Variants in CCDC62 observed in about 807,000 individuals in gnomAD.
The protein encoded by CCDC62 is coiled-coil domain containing 62, also known as coiled-coil domain-containing protein 62.
CCDC62 carries 72 observed loss-of-function variants against 80.8 expected under a neutral mutation model. That is an observed-to-expected ratio of 0.89 (90% CI 0.74 to 1.08). The LOEUF is 1.08. Among genes scored for constraint, CCDC62 ranks in the 50% least tolerant of loss-of-function variants. CCDC62 has a pLI of 0.00. For synonymous variants in CCDC62, 286 were observed against 296.5 expected (o/e 0.96, Z 0.36); for missense variants, 704 against 809.4 (o/e 0.87, Z 1.58).
chr12:122,783,288 T>C (rs1392528435), intron 3 of CCDC62, among the ~76,000 whole-genome samples: 2 of 149,638 alleles, frequency 1.3e-5, no homozygotes, highest in African/African-American at 2.4e-5. Flanking sequence ...AGTGCAGTGG[T>C]GCCACCTCGG....
At chr12:122,795,645 T>G (rs183570077) in intron 6 of CCDC62, among the ~76,000 whole-genome samples, 2 of 152,036 alleles carry the variant, frequency 1.3e-5, no homozygotes, top group East Asian at 1.9e-4. Context: ...AGGATGGTCT[T>G]GATTTCCTGA....
chr12:122,821,304 A>T (rs1438539387), intron 11 of CCDC62, among the ~76,000 whole-genome samples: 1 of 152,186 alleles, frequency 6.6e-6, no homozygotes, highest in Admixed American at 6.6e-5. Flanking sequence ...TGTAACACAC[A>T]TGGTGAAGCA....
chr12:122,812,777 GAGAAAGAAAGAAAGAA>G (rs71440217), intron 10 of CCDC62, among the ~76,000 whole-genome samples: 20 of 57,770 alleles, frequency 3.5e-4, no homozygotes, highest in South Asian at 1.2e-3. Context: ...GAGAGAGAGA[GAGAAAGAAAGAAAGAA>G]AGAAAGAAAG....
At chr12:122,805,885 C>T (rs1280174691) in intron 9 of CCDC62, among the ~76,000 whole-genome samples, 1 of 152,042 alleles carries the variant, frequency 6.6e-6, no homozygotes, top group Non-Finnish European at 1.5e-5. Flanking sequence ...GATCTCCTGA[C>T]CTCGTGATCC....
intron 11 of CCDC62, among the ~76,000 whole-genome samples, chr12:122,816,478 C>T (rs1237938604): frequency 1.3e-5 from 2 of 152,180 alleles, no homozygotes; most frequent in African/African-American, 2.4e-5. Context: ...GTAATCCCAG[C>T]ACTTTGGGAG....
chr12:122,787,687 G>C (rs2030343273), intron 4 of CCDC62, among the ~76,000 whole-genome samples: 1 of 151,798 alleles, frequency 6.6e-6, no homozygotes, highest in Admixed American at 6.6e-5. Flanking sequence ...GGAGGCAGAG[G>C]TTGTGGTAAG....
chr12:122,782,460 A>G (rs1341408309), intron 3 of CCDC62, among the ~76,000 whole-genome samples: 1 of 152,058 alleles, frequency 6.6e-6, no homozygotes, highest in Non-Finnish European at 1.5e-5. Flanking sequence ...TTTCTAAATT[A>G]TTGTGTGTTT....
At position 122,784,877 on chromosome 12, in the gene CCDC62, G is replaced by T. The variant is rs1013644597; in HGVS notation, c.397-842G>T. Among the ~76,000 whole-genome samples, 5 of 151,558 alleles carry T rather than the reference G, an allele frequency of 3.3e-5. No individual in the cohort carries two copies. The South Asian group carries it at 6.3e-4, about 19-fold the overall frequency. Reference sequence around the variant, plus strand: ...AACAAAAGGCCAGGTGCAGTGGCTCGCCTGTAATCCCAGCACTTTGGGAGG... The same window carrying T: ...AACAAAAGGCCAGGTGCAGTGGCTCTCCTGTAATCCCAGCACTTTGGGAGG... On this transcript the variant is annotated intron_variant, in intron 3 of 12. Coordinates refer to ENST00000253079, the MANE Select transcript of CCDC62 (RefSeq NM_201435.5).
At chr12:122,817,699 T>G (rs530430045) in intron 11 of CCDC62, among the ~76,000 whole-genome samples, 3 of 152,332 alleles carry the variant, frequency 2.0e-5, no homozygotes, top group African/African-American at 7.2e-5. Flanking sequence ...GGTTGTTCTC[T>G]CAACCTCTTT....
rs372877789 is a variant in CCDC62 at position 122,781,206 on chromosome 12, A to G, written c.272A>G (p.Lys91Arg). Reference protein sequence around the residue: ...KRTEIIRSLTKKVKALESNQM... With the variant: ...KRTEIIRSLTRKVKALESNQM... ...ACTGAAATAATCAGGTCACTCACGA[A>G]GAAGGTAAAAGCTCTTGAATCCAAT... Residue 91 changes from lysine to arginine, a missense_variant, in exon 3 of 13, where the codon AAG (lysine) becomes AGG (arginine). Transcript: ENST00000253079. 5.0e-6 allele frequency: 8 copies of G among 1,613,938 alleles called. No individual in the cohort carries two copies. Among genetic ancestry groups the G allele is most frequent in the East Asian group, 2.2e-5 (1 of 44,902 alleles).
At chr12:122,804,048 C>A (rs75910729) in intron 9 of CCDC62, among the ~76,000 whole-genome samples, 2,065 of 152,294 alleles carry the variant, frequency 0.014, 50 homozygotes, top group African/African-American at 0.046. Context: ...ATGTTTTTCT[C>A]TTTTTCCATA....
At chr12:122,809,077 A>C (rs2031749686) in intron 10 of CCDC62, among the ~76,000 whole-genome samples, 1 of 152,240 alleles carries the variant, frequency 6.6e-6, no homozygotes, top group Non-Finnish European at 1.5e-5. Flanking sequence ...CTGATAGAGA[A>C]GTTCTAGCCA....
intron 9 of CCDC62, among the ~76,000 whole-genome samples, chr12:122,803,981 C>CTAATTTTTATA: frequency 6.6e-6 from 1 of 152,192 alleles, no homozygotes; most frequent in East Asian, 1.9e-4. Flanking sequence ...GTTCTGCCAG[C>CTAATTTTTATA]AGAGACGGAT....
chr12:122,814,210 G>A (rs2135583548), intron 11 of CCDC62, among the ~76,000 whole-genome samples: 1 of 150,888 alleles, frequency 6.6e-6, no homozygotes, highest in African/African-American at 2.4e-5. Context: ...GAACCCCGGA[G>A]GTGGAGGTTA....
chr12:122,810,060 A>C (rs1408013694), intron 10 of CCDC62, among the ~76,000 whole-genome samples: 19 of 152,096 alleles, frequency 1.2e-4, no homozygotes, highest in African/African-American at 4.3e-4. Context: ...TAAAACCATA[A>C]AAACCCTAGA....
At chr12:122,790,712 T>G (rs1410444596) in intron 5 of CCDC62, among the ~76,000 whole-genome samples, 2 of 152,054 alleles carry the variant, frequency 1.3e-5, no homozygotes, top group African/African-American at 2.4e-5. Flanking sequence ...CAGCCCTCCC[T>G]CCCCTTCCTG....
chr12:122,789,556 C>T (rs1054061317), intron 5 of CCDC62, among the ~76,000 whole-genome samples: 5 of 152,166 alleles, frequency 3.3e-5, no homozygotes, highest in African/African-American at 1.2e-4. Flanking sequence ...TCTCAGCTTC[C>T]CGAGTAGCTG....
chr12:122,781,041 T>A (rs1432530534), intron 2 of CCDC62, 123 bp from the exon 3 acceptor site: 2 of 712,898 alleles, frequency 2.8e-6, no homozygotes, highest in African/African-American at 3.6e-5. Flanking sequence ...AATAAAAGGT[T>A]TTAAAAGAAG....
intron 5 of CCDC62, among the ~76,000 whole-genome samples, chr12:122,789,411 C>T (rs1200092215): frequency 6.6e-6 from 1 of 152,182 alleles, no homozygotes; most frequent in Non-Finnish European, 1.5e-5. Flanking sequence ...ACTTCTGATT[C>T]TGAAATTAGG....
Sources: allele counts gnomAD v4.1 joint callset (sites outside exome capture counted in the v4.1 genomes callset), GRCh38; gene constraint gnomAD v4.1.1; transcripts MANE v1.5; gene names NCBI Gene and HGNC (gene_info 2026-07-23, HGNC 2026-07-21).